Variants in PTK7 observed in about 807,000 individuals in gnomAD.
PTK7 encodes inactive tyrosine-protein kinase 7.
PTK7 carries 39 observed loss-of-function variants against 116.6 expected under a neutral mutation model. The observed-to-expected ratio is 0.33, with a 90% confidence interval of 0.26 to 0.44. The LOEUF is 0.44. Among genes scored for constraint, PTK7 ranks in the 20% least tolerant of loss-of-function variants. The pLI, the probability that PTK7 is intolerant of heterozygous loss-of-function variation, is 1.00. For synonymous variants in PTK7, 546 were observed against 563.6 expected (o/e 0.97, Z 0.44); for missense variants, 1,169 against 1,425.6 (o/e 0.82, Z 2.90).
At chr6:43,085,303 C>T (rs557395745) in intron 1 of PTK7, among the ~76,000 whole-genome samples, 5 of 152,150 alleles carry the variant, frequency 3.3e-5, no homozygotes, top group Admixed American at 6.5e-5. Context: ...TTCTCTCTGT[C>T]GCCCAGGCTG....
chr6:43,140,828 T>A (rs893741969), intron 10 of PTK7, among the ~76,000 whole-genome samples: 7 of 152,174 alleles, frequency 4.6e-5, no homozygotes, highest in Non-Finnish European at 1.0e-4. Flanking sequence ...AAATATTTTT[T>A]AAAATTATTT....
chr6:43,133,861 A>G (rs148205189), intron 7 of PTK7: 226 of 152,328 alleles, frequency 1.5e-3, no homozygotes, highest in African/African-American at 5.1e-3. Flanking sequence ...TAGTATTCCC[A>G]TTAGGATACT....
At chr6:43,137,608 T>C (rs1318581162) in intron 7 of PTK7, among the ~76,000 whole-genome samples, 4 of 152,282 alleles carry the variant, frequency 2.6e-5, no homozygotes, top group Non-Finnish European at 4.4e-5. Context: ...CAACCATTCA[T>C]GTTGTATTGA....
chr6:43,090,737 A>G (rs1490573966), intron 1 of PTK7, among the ~76,000 whole-genome samples: 2 of 152,150 alleles, frequency 1.3e-5, no homozygotes, highest in Non-Finnish European at 2.9e-5. Flanking sequence ...TTGGTTGCCA[A>G]AGTATCAGAT....
intron 1 of PTK7, among the ~76,000 whole-genome samples, chr6:43,087,741 C>G (rs1414445748): frequency 6.6e-6 from 1 of 152,220 alleles, no homozygotes; most frequent in Non-Finnish European, 1.5e-5. Context: ...TGTGGCATCT[C>G]CAGCCTTGTT....
chr6:43,158,683 G>A, intron 17 of PTK7, 134 bp from the exon 18 acceptor site: 5 of 913,628 alleles, frequency 5.5e-6, no homozygotes, highest in Non-Finnish European at 6.5e-6. Flanking sequence ...AGAGAAGGAA[G>A]CTGAGGCTGT....
chr6:43,132,249 C>T (rs1422243441), intron 6 of PTK7, 85 bp downstream of exon 6: 12 of 1,524,380 alleles, frequency 7.9e-6, no homozygotes, highest in East Asian at 2.3e-5. Flanking sequence ...TGTTTTTACT[C>T]AGCCGCTTGG....
intron 1 of PTK7, among the ~76,000 whole-genome samples, chr6:43,128,089 C>T (rs572672418): frequency 6.6e-6 from 1 of 152,332 alleles, no homozygotes; most frequent in East Asian, 1.9e-4. Flanking sequence ...AGATTCAAAG[C>T]GTCCCATCTG....
chr6:43,105,450 CAAAAAAAA>C (rs34623759), intron 1 of PTK7, among the ~76,000 whole-genome samples: 7 of 93,422 alleles, frequency 7.5e-5, no homozygotes, highest in South Asian at 3.9e-4. Context: ...AACTGTATAG[CAAAAAAAA>C]AAAAAAAAAA....
intron 1 of PTK7, among the ~76,000 whole-genome samples, chr6:43,099,019 A>G (rs1767411776): frequency 6.6e-6 from 1 of 152,056 alleles, no homozygotes; most frequent in Non-Finnish European, 1.5e-5. Flanking sequence ...GAAATAATTT[A>G]CGATTATTAA....
intron 1 of PTK7, among the ~76,000 whole-genome samples, chr6:43,123,069 G>T (rs899141597): frequency 6.6e-6 from 1 of 152,136 alleles, no homozygotes; most frequent in South Asian, 2.1e-4. Context: ...GGACTTCTGG[G>T]CCGGTAGCAT....
Position 43,161,090 on chromosome 6 carries a change from C to A in PTK7, c.*209C>A. ...GCTGACTTGGACCCAAACTGGGCGA[C>A]TAGGGCTTTGAGCTGGGCAGTTTTC... On this transcript the variant is annotated 3_prime_UTR_variant, in exon 20 of 20. Coordinates refer to ENST00000230419, the MANE Select transcript of PTK7 (RefSeq NM_002821.5). 1 of 684,790 alleles carries A rather than the reference C, an allele frequency of 1.5e-6. No homozygotes were observed. The allele number at this position is 684,790 out of a possible 1,614,324, so 42.4% of individuals were successfully genotyped here.
intron 16 of PTK7, 57 bp from the exon 17 acceptor site, chr6:43,146,561 G>A: frequency 6.5e-7 from 1 of 1,537,644 alleles, no homozygotes; most frequent in East Asian, 2.3e-5. Flanking sequence ...TTGGTCTGAG[G>A]CTTTACAGCC....
intron 1 of PTK7, among the ~76,000 whole-genome samples, chr6:43,111,778 C>T (rs776801977): frequency 1.3e-5 from 2 of 152,030 alleles, no homozygotes; most frequent in Non-Finnish European, 2.9e-5. Flanking sequence ...AGTGATCCTC[C>T]CACCTCAGTC....
In PTK7 at chr6:43,145,153, C is replaced by T. The variant is rs991520878; in HGVS notation, c.2408-47C>T. 2.0e-6 allele frequency: 3 copies of T among 1,529,710 alleles called. No homozygotes were observed. The highest frequency in any genetic ancestry group is 2.3e-5 in the East Asian group (1 of 44,210). 94.8% of individuals were successfully genotyped at this position (1,529,710 alleles called of 1,614,324 possible). On this transcript the variant is annotated intron_variant, in intron 15 of 19. Coordinates refer to ENST00000230419, the MANE Select transcript of PTK7 (RefSeq NM_002821.5). The surrounding 1 kb of genome is among the most constrained non-coding windows in gnomAD (Gnocchi z 4.8). ...GGCCCCTCCCCCAGGTCAGGAGCTG[C>T]CTCGGCCTGGGTGAAGGTGGCTGGC...
rs1298061143 is a variant in PTK7, at chr6:43,158,885, C to T, written c.2790C>T (p.Asp930=). 2 of 1,614,096 alleles carry T rather than the reference C, an allele frequency of 1.2e-6. No homozygotes were observed. The highest frequency in any genetic ancestry group is 1.7e-6 in the Non-Finnish European group (2 of 1,180,038). ...HLSNNRFVHK[D]LAARNCLVSA... Reference sequence around the variant, plus strand: ...CCAACAACCGCTTTGTGCATAAGGACTTGGCTGCGCGTAACTGCCTGGTCA... The same window carrying T: ...CCAACAACCGCTTTGTGCATAAGGATTTGGCTGCGCGTAACTGCCTGGTCA... Residue 930 remains aspartate, a synonymous_variant, in exon 18 of 20, where the codon GAC becomes GAT. Coordinates refer to ENST00000230419, the MANE Select transcript of PTK7 (RefSeq NM_002821.5).
intron 1 of PTK7, among the ~76,000 whole-genome samples, chr6:43,118,653 CTCTCTCTATATATATATATA>C (rs1408648220): frequency 1.1e-4 from 9 of 79,388 alleles, no homozygotes; most frequent in African/African-American, 2.7e-4. Context: ...CTCTCTCTCT[CTCTCTCTATATATATATATA>C]TATATATATA....
At chr6:43,114,971 G>C (rs1464903501) in intron 1 of PTK7, among the ~76,000 whole-genome samples, 1 of 151,926 alleles carries the variant, frequency 6.6e-6, no homozygotes, top group East Asian at 1.9e-4. Context: ...GAACCTGGGA[G>C]GCGGAGGTTG....
intron 17 of PTK7, among the ~76,000 whole-genome samples, chr6:43,154,080 T>C (rs1015294155): frequency 5.3e-5 from 8 of 152,232 alleles, no homozygotes; most frequent in Admixed American, 1.3e-4. Flanking sequence ...GGAGGATCAC[T>C]GGAACCCGGG....
Sources: allele counts gnomAD v4.1 joint callset (sites outside exome capture counted in the v4.1 genomes callset), GRCh38; gene constraint gnomAD v4.1.1; non-coding constraint Gnocchi (gnomAD v3.1); transcripts MANE v1.5; gene names NCBI Gene and HGNC (gene_info 2026-07-23, HGNC 2026-07-21).